Variants in MRPL35 observed in about 807,000 individuals in gnomAD.
MRPL35 encodes mitochondrial ribosomal protein L35.
In MRPL35, 18 loss-of-function variants were observed where a neutral mutation model predicts 21.6. That is an observed-to-expected ratio of 0.83 (90% CI 0.58 to 1.24). The LOEUF is 1.24. Ranked by LOEUF, MRPL35 falls within the 50% of genes most tolerant of loss-of-function variation. MRPL35 has a pLI of 0.00. For missense variants in MRPL35, 223 were observed against 223.2 expected (o/e 1.00, Z 0.01); for synonymous variants, 87 against 86.9 (o/e 1.00, Z -0.01).
Position 86,212,648 on chromosome 2 carries a change from C to T in MRPL35, c.*1980C>T. ...CTTCGTTTCTCCTCTAGACCAGGGA[C>T]AGGTGTAGAGATAAGGACTGGCAAC... is the stretch of plus-strand genomic sequence containing the variant. On this transcript the variant is annotated 3_prime_UTR_variant, in exon 4 of 4. Coordinates refer to ENST00000337109, the MANE Select transcript of MRPL35 (RefSeq NM_016622.4). 1.5e-6 allele frequency: 2 copies of T among 1,356,522 alleles called. No individual in the cohort carries two copies. The highest frequency in any genetic ancestry group is 1.9e-6 in the Non-Finnish European group (2 of 1,056,512). 84.0% of individuals were successfully genotyped at this position (1,356,522 alleles called of 1,614,324 possible). A position where few individuals can be genotyped will look rare whatever the true frequency, so the allele number is the denominator to read the frequency against.
At chr2:86,204,229 C>G (rs566032830) in intron 1 of MRPL35, among the ~76,000 whole-genome samples, 1 of 152,074 alleles carries the variant, frequency 6.6e-6, no homozygotes, top group Non-Finnish European at 1.5e-5. Context: ...GGTGATCCGC[C>G]TGCCTCGGCC....
chr2:86,202,400 A>G (rs1673701753), intron 1 of MRPL35, among the ~76,000 whole-genome samples: 1 of 152,202 alleles, frequency 6.6e-6, no homozygotes, highest in South Asian at 2.1e-4. Flanking sequence ...ATTGATAAAT[A>G]TGTCTTATGC....
rs899783501 is a variant in MRPL35, at chr2:86,211,320, A to G, written c.*652A>G. The G allele has an allele frequency of 5.6e-5, 51 of 916,894 alleles. No individual in the cohort carries two copies. The highest frequency in any genetic ancestry group is 6.4e-5 in the Non-Finnish European group (49 of 767,746). 56.8% of individuals were successfully genotyped at this position (916,894 alleles called of 1,614,324 possible). The stretch of plus-strand genomic sequence containing the variant: ...CTTCAGCTCCTGCTGCTAGTCTCCA[A>G]TTGCCAAGGGAATTTAACTGGGCCA... On this transcript the variant is annotated 3_prime_UTR_variant, in exon 4 of 4. Transcript: ENST00000337109.
At chr2:86,206,413 A>C in intron 2 of MRPL35, 118 bp downstream of exon 2, 1 of 925,522 alleles carries the variant, frequency 1.1e-6, no homozygotes, top group African/African-American at 1.7e-5. Context: ...GCTCACTGCA[A>C]CCTCCACCTC....
chr2:86,210,309 C>T (rs1393528409), intron 3 of MRPL35, among the ~76,000 whole-genome samples, 171 bp from the exon 4 acceptor site: 3 of 145,884 alleles, frequency 2.1e-5, no homozygotes, highest in Non-Finnish European at 3.0e-5. Context: ...TCCCCCTCCC[C>T]GCCACCCTCC....
At chr2:86,203,037 T>C (rs909212595) in intron 1 of MRPL35, among the ~76,000 whole-genome samples, 2 of 151,834 alleles carry the variant, frequency 1.3e-5, no homozygotes, top group Admixed American at 1.3e-4. Flanking sequence ...ATCTTTAATC[T>C]GAAACTTTTT....
chr2:86,204,602 T>TTCCG (rs1673756602), intron 1 of MRPL35, among the ~76,000 whole-genome samples: 1 of 152,120 alleles, frequency 6.6e-6, no homozygotes, highest in African/African-American at 2.4e-5. Context: ...AGCCATGAAC[T>TTCCG]ATTAGTCTGG....
Position 86,210,905 on chromosome 2 carries a change from C to T in MRPL35, c.*237C>T. 8.6e-7 allele frequency: 1 copy of T among 1,157,320 alleles called. No homozygotes were observed. The highest frequency in any genetic ancestry group is 1.1e-6 in the Non-Finnish European group (1 of 939,330). The allele number at this position is 1,157,320 out of a possible 1,614,324, so 71.7% of individuals were successfully genotyped here. On this transcript the variant is annotated 3_prime_UTR_variant, in exon 4 of 4. Transcript: ENST00000337109. Reference sequence around the variant, plus strand: ...TTTTTAACAAATGGTATTGGCTTAACTAGTTGTTTCAGTTATGCTCTTTTA... The same window carrying T: ...TTTTTAACAAATGGTATTGGCTTAATTAGTTGTTTCAGTTATGCTCTTTTA...
chr2:86,209,821 C>A lies in MRPL35; in HGVS notation c.379-659C>A, dbSNP rs150962832. On this transcript the variant is annotated intron_variant, in intron 3 of 3. Coordinates refer to ENST00000337109, the MANE Select transcript of MRPL35 (RefSeq NM_016622.4). Reference sequence around the variant, plus strand: ...GGTTAAGAACTCTTATTAGCCTGGGCAAGATGGTGAGACCTTATCTCTACA... The same window carrying A: ...GGTTAAGAACTCTTATTAGCCTGGGAAAGATGGTGAGACCTTATCTCTACA... 7.2e-5 allele frequency among the ~76,000 whole-genome samples: 11 copies of A among 152,290 alleles called. No homozygotes were observed. In the East Asian group the frequency reaches 1.7e-3, roughly 24 times the overall value.
At chr2:86,208,782 A>C (rs1044652711) in intron 3 of MRPL35, among the ~76,000 whole-genome samples, 1 of 152,104 alleles carries the variant, frequency 6.6e-6, no homozygotes, top group Non-Finnish European at 1.5e-5. Context: ...GCTTCAGTTC[A>C]GGGCTCCCGA....
At chr2:86,206,433 A>C (rs1673793913) in intron 2 of MRPL35, 138 bp downstream of exon 2, 1 of 801,014 alleles carries the variant, frequency 1.2e-6, no homozygotes, top group African/African-American at 1.7e-5. Flanking sequence ...CCGGGGTTCA[A>C]GCAATTCTCC....
At chr2:86,208,424 A>G (rs1673844774) in intron 3 of MRPL35, among the ~76,000 whole-genome samples, 1 of 151,754 alleles carries the variant, frequency 6.6e-6, no homozygotes, top group African/African-American at 2.4e-5. Context: ...CTCCTGCCTC[A>G]GCCTTCCGAG....
chr2:86,207,599 A>G (rs541757537), intron 3 of MRPL35, among the ~76,000 whole-genome samples: 39 of 152,324 alleles, frequency 2.6e-4, no homozygotes, highest in Non-Finnish European at 4.9e-4. Context: ...GAACCACTGC[A>G]CTCCAGCCTG....
intron 1 of MRPL35, among the ~76,000 whole-genome samples, 187 bp downstream of exon 1, chr2:86,199,720 A>AT (rs1301786633): frequency 1.3e-5 from 2 of 152,170 alleles, no homozygotes; most frequent in African/African-American, 4.8e-5. Flanking sequence ...ACTCGGACTC[A>AT]CGCGGGCCTG....
chr2:86,211,216 A>G lies in MRPL35; in HGVS notation c.*548A>G. The G allele has an allele frequency of 2.1e-6, 2 of 961,120 alleles. No individual in the cohort carries two copies. Among genetic ancestry groups the G allele is most frequent in the Non-Finnish European group, 2.5e-6 (2 of 808,002 alleles). 59.5% of individuals were successfully genotyped at this position (961,120 alleles called of 1,614,324 possible). On this transcript the variant is annotated 3_prime_UTR_variant, in exon 4 of 4. Coordinates refer to ENST00000337109, the MANE Select transcript of MRPL35 (RefSeq NM_016622.4). ...TCTCTATTCACCAACTTCTCTACAC[A>G]GCTTTTGCATACTTACAGTTTCTGT...
chr2:86,212,201 C>T lies in MRPL35; in HGVS notation c.*1533C>T. ...GTAAAATTATGAAATTGAAGTTCTG[C>T]AGCATGTCAGGCCAGGATTATTAGG... On this transcript the variant is annotated 3_prime_UTR_variant, in exon 4 of 4. Coordinates refer to ENST00000337109, the MANE Select transcript of MRPL35 (RefSeq NM_016622.4). The T allele has an allele frequency of 7.7e-7, 1 of 1,304,912 alleles. No individual in the cohort carries two copies. The highest frequency in any genetic ancestry group is 9.7e-7 in the Non-Finnish European group (1 of 1,026,734). 80.8% of individuals were successfully genotyped at this position (1,304,912 alleles called of 1,614,324 possible). A position where few individuals can be genotyped will look rare whatever the true frequency, so the allele number is the denominator to read the frequency against.
At chr2:86,200,746 TG>T (rs1293275547) in intron 1 of MRPL35, among the ~76,000 whole-genome samples, 2 of 152,082 alleles carry the variant, frequency 1.3e-5, no homozygotes, top group Non-Finnish European at 2.9e-5. Context: ...TGGCACGATC[TG>T]GGCTCACTGC....
At position 86,212,283 on chromosome 2, in the gene MRPL35, G is replaced by T. The variant is rs544056345; in HGVS notation, c.*1615G>T. 4.0e-6 allele frequency: 6 copies of T among 1,483,000 alleles called. No homozygotes were observed. In the East Asian group the frequency reaches 7.4e-5, roughly 18 times the overall value. The allele number at this position is 1,483,000 out of a possible 1,614,324, so 91.9% of individuals were successfully genotyped here. Reference sequence around the variant, plus strand: ...AAAGGAGAAAGGATAACAATAGAATGTTCTAAAACCAGAAGTCCAAGTGCG... The same window carrying T: ...AAAGGAGAAAGGATAACAATAGAATTTTCTAAAACCAGAAGTCCAAGTGCG... On this transcript the variant is annotated 3_prime_UTR_variant, in exon 4 of 4. Coordinates refer to ENST00000337109, the MANE Select transcript of MRPL35 (RefSeq NM_016622.4).
In MRPL35 at chr2:86,213,556, T is replaced by C; in HGVS notation, c.*2888T>C. ...ACCCAATGAAGTTTGAGTCTGCCTGTTCAGATGTGAAAGGTAAGGGCTGCA... is the reference window on the plus strand; with the variant it reads ...ACCCAATGAAGTTTGAGTCTGCCTGCTCAGATGTGAAAGGTAAGGGCTGCA... On this transcript the variant is annotated 3_prime_UTR_variant, in exon 4 of 4. Transcript: ENST00000337109. 5 of 1,524,880 alleles carry C rather than the reference T, an allele frequency of 3.3e-6. No individual in the cohort carries two copies. The highest frequency in any genetic ancestry group is 4.4e-6 in the Non-Finnish European group (5 of 1,131,898). 94.5% of individuals were successfully genotyped at this position (1,524,880 alleles called of 1,614,324 possible). A position where few individuals can be genotyped will look rare whatever the true frequency, so the allele number is the denominator to read the frequency against.
Sources: allele counts gnomAD v4.1 joint callset (sites outside exome capture counted in the v4.1 genomes callset), GRCh38; gene constraint gnomAD v4.1.1; transcripts MANE v1.5; gene names NCBI Gene and HGNC (gene_info 2026-07-23, HGNC 2026-07-21).